Variants in SPACA7 observed in about 807,000 individuals in gnomAD.
SPACA7 encodes the protein sperm acrosome-associated protein 7.
A neutral mutation model predicts 26.3 loss-of-function variants in SPACA7; 19 were observed. That is an observed-to-expected ratio of 0.72 (90% CI 0.50 to 1.06). The LOEUF (loss-of-function observed/expected upper bound fraction) is 1.06, where lower values mean the gene tolerates loss of function less well. Among genes scored for constraint, SPACA7 ranks in the 50% least tolerant of loss-of-function variants. The pLI is 0.00. For synonymous variants in SPACA7, 84 were observed against 84.5 expected, an observed-to-expected ratio of 0.99 and a Z score of 0.04; for missense variants, 211 against 229.9, an observed-to-expected ratio of 0.92 and a Z score of 0.53.
At chr13:112,416,327 C>T (rs890938097) in intron 5 of SPACA7, among the ~76,000 whole-genome samples, 1 of 151,724 alleles carries the variant, frequency 6.6e-6, no homozygotes, top group African/African-American at 2.4e-5. Flanking sequence ...GTCACTGTCA[C>T]CTGGGCTGGA....
chr13:112,423,610 A>G (rs979268835), intron 5 of SPACA7, among the ~76,000 whole-genome samples: 1 of 152,254 alleles, frequency 6.6e-6, no homozygotes, highest in Non-Finnish European at 1.5e-5. Flanking sequence ...AACATCCCAC[A>G]GGAGGGAATG....
intron 5 of SPACA7, among the ~76,000 whole-genome samples, chr13:112,410,135 A>C (rs1886251501): frequency 6.6e-6 from 1 of 151,988 alleles, no homozygotes; most frequent in Non-Finnish European, 1.5e-5. Flanking sequence ...CAAACACCAC[A>C]TGTTCTCACT....
rs575742752 is a variant in SPACA7 at position 112,386,128 on chromosome 13, G to A, written c.95-6893G>A. On this transcript the variant is annotated intron_variant, in intron 1 of 6. Transcript: ENST00000283550. ...ATGCTTCTACTGCGCATTTTATTGC[G>A]AGGCAACCCAAAGCCAGTCAGCCCA... Among the ~76,000 whole-genome samples the A allele has an allele frequency of 3.9e-4, 60 of 152,314 alleles. No individual in the cohort carries two copies. In the South Asian group the frequency reaches 8.1e-3, roughly 21 times the overall value.
intron 5 of SPACA7, among the ~76,000 whole-genome samples, chr13:112,416,739 T>C (rs1886714656): frequency 6.6e-6 from 1 of 152,182 alleles, no homozygotes. Flanking sequence ...TCAATACATA[T>C]AGCATTTGCA....
intron 5 of SPACA7, among the ~76,000 whole-genome samples, chr13:112,430,172 C>CTGTG (rs1254393630): frequency 8.1e-4 from 99 of 122,870 alleles, no homozygotes; most frequent in East Asian, 5.6e-3. Context: ...GCATCTCTCT[C>CTGTG]TCTGTGTGTG....
chr13:112,412,896 A>G (rs1243899405), intron 5 of SPACA7, among the ~76,000 whole-genome samples: 1 of 152,190 alleles, frequency 6.6e-6, no homozygotes, highest in Non-Finnish European at 1.5e-5. Context: ...ATAACAAGTT[A>G]TTTTAAACTG....
chr13:112,414,769 G>A lies in SPACA7; in HGVS notation c.445+13605G>A, dbSNP rs574131321. Among the ~76,000 whole-genome samples, 11 of 152,276 alleles carry A rather than the reference G, an allele frequency of 7.2e-5. No individual in the cohort carries two copies. In the South Asian group the frequency reaches 2.1e-3, roughly 29 times the overall value. On this transcript the variant is annotated intron_variant, in intron 5 of 6. Transcript: ENST00000283550. ...TAGCTATATTTTTGTAGAATTCTCA[G>A]TCTTAAAGTCACACATCTTCGTATC...
chr13:112,392,267 A>G (rs1884939620), intron 1 of SPACA7, among the ~76,000 whole-genome samples: 1 of 152,130 alleles, frequency 6.6e-6, no homozygotes, highest in Admixed American at 6.5e-5. Context: ...CAGAACCGCC[A>G]CCCACTCTCA....
intron 5 of SPACA7, among the ~76,000 whole-genome samples, chr13:112,425,266 A>C (rs1318162289): frequency 1.3e-5 from 2 of 152,238 alleles, no homozygotes; most frequent in African/African-American, 4.8e-5. Context: ...AGTTGAAAAA[A>C]AAGTTGAAGA....
chr13:112,402,756 GT>G (rs948642834), intron 5 of SPACA7, among the ~76,000 whole-genome samples: 1 of 151,976 alleles, frequency 6.6e-6, no homozygotes, highest in Non-Finnish European at 1.5e-5. Flanking sequence ...GGAGCCCATA[GT>G]TTTTTTCTTT....
At chr13:112,414,325 A>G (rs944159615) in intron 5 of SPACA7, among the ~76,000 whole-genome samples, 1 of 113,256 alleles carries the variant, frequency 8.8e-6, no homozygotes, top group Non-Finnish European at 1.9e-5. Flanking sequence ...TATTGTTATT[A>G]TTGTTATTAT....
intron 1 of SPACA7, among the ~76,000 whole-genome samples, chr13:112,383,271 T>C (rs1208641425): frequency 6.6e-6 from 1 of 152,062 alleles, no homozygotes; most frequent in East Asian, 1.9e-4. Context: ...GGATTCTAAC[T>C]CATAAAGAAT....
intron 5 of SPACA7, among the ~76,000 whole-genome samples, chr13:112,424,162 G>A (rs987541793): frequency 4.5e-4 from 69 of 152,278 alleles, no homozygotes; most frequent in Admixed American, 3.7e-3. Context: ...GCCCCTACCC[G>A]CCCGAAGGCA....
In SPACA7 at chr13:112,393,076, A is replaced by G; in HGVS notation, c.150A>G (p.Leu50=). 6.2e-7 allele frequency: 1 copy of G among 1,612,556 alleles called. No homozygotes were observed. Among genetic ancestry groups the G allele is most frequent in the Non-Finnish European group, 8.5e-7 (1 of 1,178,882 alleles). The change falls in exon 2 of 7, where the codon TTA becomes TTG. Residue 50 remains leucine, a splice_region_variant and synonymous_variant. Coordinates refer to ENST00000283550, the MANE Select transcript of SPACA7 (RefSeq NM_145248.5). ...AACAGGAGGATATGTCTGAATTATT[A>G]GGTAAGGAAGCCCCTCCTATCAACC... The part of the protein sequence containing the change: ...SSKQEDMSEL[L]DEILVQEILD...
intron 5 of SPACA7, among the ~76,000 whole-genome samples, chr13:112,431,303 C>G (rs530374175): frequency 6.6e-6 from 1 of 152,182 alleles, no homozygotes; most frequent in Non-Finnish European, 1.5e-5. Flanking sequence ...TGCAACTATC[C>G]TCTCTTCCTT....
At chr13:112,383,026 A>AAGAGAGAG (rs1555324355) in intron 1 of SPACA7, among the ~76,000 whole-genome samples, 1 of 95,220 alleles carries the variant, frequency 1.1e-5, no homozygotes, top group African/African-American at 3.5e-5. Context: ...GAAAGAAAGA[A>AAGAGAGAG]AGAGAGAGAG....
intron 1 of SPACA7, among the ~76,000 whole-genome samples, chr13:112,380,399 C>CA (rs1883972536): frequency 1.0e-5 from 1 of 97,088 alleles, no homozygotes; most frequent in East Asian, 2.6e-4. Context: ...GAGCAAAACT[C>CA]AGTCTCAAAA....
intron 5 of SPACA7, among the ~76,000 whole-genome samples, chr13:112,403,406 G>GT (rs1006273729): frequency 1.3e-5 from 2 of 151,832 alleles, no homozygotes; most frequent in Non-Finnish European, 2.9e-5. Context: ...CTGGTTTATC[G>GT]TTTTTTCTGA....
intron 5 of SPACA7, among the ~76,000 whole-genome samples, chr13:112,423,508 T>G (rs1461062997): frequency 6.6e-6 from 1 of 151,968 alleles, no homozygotes; most frequent in African/African-American, 2.4e-5. Flanking sequence ...ACAGCAGATC[T>G]GTCATAATTG....
Sources: allele counts gnomAD v4.1 joint callset (sites outside exome capture counted in the v4.1 genomes callset), GRCh38; gene constraint gnomAD v4.1.1; transcripts MANE v1.5; gene names NCBI Gene and HGNC (gene_info 2026-07-23, HGNC 2026-07-21).